The following PDPN variants were observed in gnomAD, a reference collection of about 807,000 sequenced individuals.
PDPN encodes PA2.26 antigen.
PDPN carries 12 observed loss-of-function variants against 23.2 expected under a neutral mutation model. The observed-to-expected ratio is 0.52, with a 90% CI of 0.33 to 0.84. PDPN has a LOEUF of 0.84. PDPN is among the 40% of genes least tolerant of loss of function. The pLI is 0.02. For synonymous variants in PDPN, 77 were observed against 76.7 expected (o/e 1.00, Z -0.02); for missense variants, 199 against 212.2 (o/e 0.94, Z 0.39).
At chr1:13,593,203 C>T (rs1640398020) in intron 1 of PDPN, among the ~76,000 whole-genome samples, 1 of 152,104 alleles carries the variant, frequency 6.6e-6, no homozygotes, top group African/African-American at 2.4e-5. Flanking sequence ...TGACAGAAAG[C>T]AGATAATAAA....
At position 13,614,321 on chromosome 1, in the gene PDPN, T is replaced by G; in HGVS notation, c.392T>G (p.Leu131Arg). 1 of 1,598,928 alleles carries G rather than the reference T, an allele frequency of 6.3e-7. No individual in the cohort carries two copies. Among genetic ancestry groups the G allele is most frequent in the Non-Finnish European group, 8.6e-7 (1 of 1,166,196 alleles). Reference protein sequence around the residue: ...VEKDGLSTVTLVGIIVGVLLA... With the variant: ...VEKDGLSTVTRVGIIVGVLLA... ...TCAGATGGTTTGTCAACAGTGACCC[T>G]GGTTGGAATCATAGTTGGGGTCTTA... Residue 131 changes from leucine to arginine, a missense_variant, in exon 5 of 6, where the codon CTG becomes CGG. Physicochemically the swap from Leu to Arg is moderately radical, Grantham distance 102. Transcript: ENST00000621990.
At chr1:13,614,184 A>T in intron 4 of PDPN, 116 bp from the exon 5 acceptor site, 1 of 630,998 alleles carries the variant, frequency 1.6e-6, no homozygotes, top group Non-Finnish European at 2.8e-6. Context: ...CTCAAACAAC[A>T]TAGAGCAATA....
chr1:13,608,985 A>G (rs1296293380), intron 2 of PDPN, among the ~76,000 whole-genome samples: 1 of 152,060 alleles, frequency 6.6e-6, no homozygotes, highest in Non-Finnish European at 1.5e-5. Context: ...ATCAGAAGTC[A>G]CCCTCTAGCC....
At chr1:13,584,269 A>T in intron 1 of PDPN, 169 bp downstream of exon 1, 1 of 1,531,534 alleles carries the variant, frequency 6.5e-7, no homozygotes, top group Non-Finnish European at 8.7e-7. Context: ...GCAGCGGCTT[A>T]GTCGGTGCCA....
At chr1:13,602,587 C>T (rs370938409) in intron 1 of PDPN, among the ~76,000 whole-genome samples, 2 of 152,040 alleles carry the variant, frequency 1.3e-5, no homozygotes, top group Non-Finnish European at 2.9e-5. Context: ...CTCAAAAGTA[C>T]TTCTTTTTTT....
At chr1:13,588,625 A>C (rs912325159) in intron 1 of PDPN, among the ~76,000 whole-genome samples, 4 of 147,602 alleles carry the variant, frequency 2.7e-5, no homozygotes, top group Non-Finnish European at 4.5e-5. Context: ...TATAATATAT[A>C]ATATAAATAT....
chr1:13,601,549 AT>A (rs2100247703), intron 1 of PDPN, among the ~76,000 whole-genome samples: 1 of 152,226 alleles, frequency 6.6e-6, no homozygotes, highest in Non-Finnish European at 1.5e-5. Flanking sequence ...TAGGGACAGC[AT>A]TTTGCCATGT....
At chr1:13,597,354 C>G (rs1472994680) in intron 1 of PDPN, among the ~76,000 whole-genome samples, 1 of 152,186 alleles carries the variant, frequency 6.6e-6, no homozygotes, top group African/African-American at 2.4e-5. Context: ...ACGTGAAAGA[C>G]CCTTTTAATC....
intron 1 of PDPN, among the ~76,000 whole-genome samples, chr1:13,605,916 T>C (rs1343848024): frequency 6.6e-6 from 1 of 151,598 alleles, no homozygotes; most frequent in Non-Finnish European, 1.5e-5. Context: ...CCACCACACC[T>C]GGCCCAGAAA....
intron 3 of PDPN, 69 bp downstream of exon 3, chr1:13,610,585 C>G: frequency 6.6e-7 from 1 of 1,513,562 alleles, no homozygotes; most frequent in Non-Finnish European, 9.1e-7. Flanking sequence ...CAAAGTCCAT[C>G]AACAAATAGA....
intron 1 of PDPN, chr1:13,584,313 G>A: frequency 6.7e-7 from 1 of 1,503,462 alleles, no homozygotes; most frequent in African/African-American, 1.4e-5. Flanking sequence ...GGTGTGCCGG[G>A]AGGAGCCCCG....
intron 3 of PDPN, 48 bp from the exon 4 acceptor site, chr1:13,613,639 G>A: frequency 2.2e-6 from 2 of 914,328 alleles, no homozygotes; most frequent in South Asian, 1.4e-5. Flanking sequence ...TTAAATTATA[G>A]TTATTAAACC....
Position 13,614,316 on chromosome 1 carries a change from G to A in PDPN, c.387G>A (p.Val129=). 2 of 1,593,800 alleles carry A rather than the reference G, an allele frequency of 1.3e-6. No individual in the cohort carries two copies. Among genetic ancestry groups the A allele is most frequent in the Admixed American group, 1.7e-5 (1 of 59,940 alleles). Residue 129 remains valine (V), a synonymous_variant, in exon 5 of 6, where the codon GTG becomes GTA. Transcript: ENST00000621990. ...CTTGTTCAGATGGTTTGTCAACAGT[G>A]ACCCTGGTTGGAATCATAGTTGGGG... ...TTVEKDGLST[V]TLVGIIVGVL...
At chr1:13,594,205 C>G (rs923305738) in intron 1 of PDPN, among the ~76,000 whole-genome samples, 2 of 152,220 alleles carry the variant, frequency 1.3e-5, no homozygotes, top group African/African-American at 4.8e-5. Flanking sequence ...GCCTTACCCT[C>G]AAGGAACTTG....
At chr1:13,589,559 C>T (rs982343904) in intron 1 of PDPN, among the ~76,000 whole-genome samples, 4 of 152,122 alleles carry the variant, frequency 2.6e-5, no homozygotes, top group Admixed American at 1.3e-4. Context: ...ACAGACTACT[C>T]GGCTGGAGCT....
At chr1:13,592,074 G>A (rs1012652104) in intron 1 of PDPN, among the ~76,000 whole-genome samples, 1 of 152,196 alleles carries the variant, frequency 6.6e-6, no homozygotes, top group African/African-American at 2.4e-5. Context: ...GTGATGCTGA[G>A]CATCTTTTTA....
Position 13,616,927 on chromosome 1 carries a change from C to T in PDPN, c.*1016C>T, listed in dbSNP as rs1191789860. 1.3e-5 allele frequency: 2 copies of T among 152,208 alleles called. No individual in the cohort carries two copies. Among genetic ancestry groups the T allele is most frequent in the Non-Finnish European group, 2.9e-5 (2 of 68,044 alleles). The allele number at this position is 152,208 out of a possible 1,614,324, so 9.4% of individuals were successfully genotyped here. On this transcript the variant is annotated 3_prime_UTR_variant, in exon 6 of 6. Coordinates refer to ENST00000621990, the MANE Select transcript of PDPN (RefSeq NM_006474.5). The stretch of plus-strand genomic sequence containing the variant: ...AAATCTGCCAGTTTTATAACATTCA[C>T]TTTCTGCCTCTGAGGAAAGATACAG...
At chr1:13,615,833 A>G (rs931712448) in intron 5 of PDPN, 72 bp from the exon 6 acceptor site, 2 of 1,365,630 alleles carry the variant, frequency 1.5e-6, no homozygotes, top group African/African-American at 1.4e-5. Flanking sequence ...GACAATAGGA[A>G]AAAGGACTCA....
intron 1 of PDPN, among the ~76,000 whole-genome samples, chr1:13,593,343 G>C (rs1640402510): frequency 6.6e-6 from 1 of 152,170 alleles, no homozygotes; most frequent in Admixed American, 6.5e-5. Flanking sequence ...ATGATCTGAT[G>C]AGTACCTGGG....
Sources: allele counts gnomAD v4.1 joint callset (sites outside exome capture counted in the v4.1 genomes callset), GRCh38; gene constraint gnomAD v4.1.1; transcripts MANE v1.5; gene names NCBI Gene and HGNC (gene_info 2026-07-23, HGNC 2026-07-21).